CPE: variants seen among roughly 807,000 people sequenced by gnomAD.
CPE encodes the protein carboxypeptidase E, also known as carbocypeptidase E.
A neutral mutation model predicts 53.5 loss-of-function variants in CPE; 17 were observed. The observed-to-expected ratio is 0.32, with a 90% confidence interval of 0.22 to 0.48. The LOEUF (loss-of-function observed/expected upper bound fraction) is 0.48, where lower values mean the gene tolerates loss of function less well. Ranked by LOEUF, CPE falls within the 20% of genes least tolerant of loss-of-function variation. CPE has a pLI of 0.99. For missense variants in CPE, 524 were observed against 614.7 expected, an observed-to-expected ratio of 0.85 and a Z score of 1.56; for synonymous variants, 226 against 228.8, an observed-to-expected ratio of 0.99 and a Z score of 0.11.
chr4:165,495,842 A>C (rs1289602290), intron 8 of CPE, among the ~76,000 whole-genome samples, 165 bp downstream of exon 8: 1 of 152,262 alleles, frequency 6.6e-6, no homozygotes, highest in Non-Finnish European at 1.5e-5. Context: ...AGCAAAGTTA[A>C]TATGAAGCTC....
chr4:165,457,757 A>T (rs1026176280), intron 1 of CPE, among the ~76,000 whole-genome samples: 1 of 152,214 alleles, frequency 6.6e-6, no homozygotes, highest in Non-Finnish European at 1.5e-5. Flanking sequence ...AAGAAGAGAG[A>T]ATATAATGCT....
At chr4:165,460,128 G>GT (rs796927137) in intron 1 of CPE, among the ~76,000 whole-genome samples, 3 of 151,852 alleles carry the variant, frequency 2.0e-5, no homozygotes, top group African/African-American at 4.8e-5. Flanking sequence ...TTAAACCTGT[G>GT]TTTTTTTCTT....
At chr4:165,483,621 C>T (rs1732457029) in intron 4 of CPE, among the ~76,000 whole-genome samples, 2 of 152,184 alleles carry the variant, frequency 1.3e-5, no homozygotes, top group Non-Finnish European at 2.9e-5. Flanking sequence ...TGGTGGGAAT[C>T]CACGACAACA....
At chr4:165,428,917 C>T (rs548427298) in intron 1 of CPE, among the ~76,000 whole-genome samples, 1 of 152,268 alleles carries the variant, frequency 6.6e-6, no homozygotes, top group South Asian at 2.1e-4. Flanking sequence ...TCTATTGTTT[C>T]TGCCATATAA....
At chr4:165,462,925 AT>A (rs1373800675) in intron 1 of CPE, among the ~76,000 whole-genome samples, 3 of 152,206 alleles carry the variant, frequency 2.0e-5, no homozygotes, top group Admixed American at 1.3e-4. Context: ...TAGTTAACAT[AT>A]TTCCAGGAGA....
At chr4:165,490,195 C>G (rs1732575410) in intron 6 of CPE, among the ~76,000 whole-genome samples, 1 of 152,100 alleles carries the variant, frequency 6.6e-6, no homozygotes, top group Non-Finnish European at 1.5e-5. Flanking sequence ...AGAGGAAATC[C>G]CTTGCAGAGT....
At chr4:165,490,591 C>T (rs1209941844) in intron 6 of CPE, among the ~76,000 whole-genome samples, 1 of 138,450 alleles carries the variant, frequency 7.2e-6, no homozygotes, top group Non-Finnish European at 1.5e-5. Flanking sequence ...CGAGATCACA[C>T]TACACTCCAG....
In CPE at chr4:165,431,994, T is replaced by TA. The variant is rs575321725; in HGVS notation, c.308-32386dup. Among the ~76,000 whole-genome samples, 1,284 of 145,414 alleles carry TA rather than the reference T, an allele frequency of 8.8e-3. 9 individuals are homozygous for TA. The highest frequency in any genetic ancestry group is 0.012 in the Non-Finnish European group (817 of 65,856). On this transcript the variant is annotated intron_variant, in intron 1 of 8. Transcript: ENST00000402744. ...CTCTTACCCCACCCTACACCCCAAT[T>TA]AAAAAAAAAACCCACCACCAAATGA...
intron 1 of CPE, among the ~76,000 whole-genome samples, chr4:165,426,892 G>A (rs1388347133): frequency 6.6e-6 from 1 of 152,212 alleles, no homozygotes; most frequent in Admixed American, 6.5e-5. Context: ...AAAGAAGAAA[G>A]CTCTTCGAGG....
At chr4:165,403,746 C>T (rs1307183936) in intron 1 of CPE, among the ~76,000 whole-genome samples, 2 of 151,646 alleles carry the variant, frequency 1.3e-5, no homozygotes, top group South Asian at 2.1e-4. Flanking sequence ...CTCACCACCC[C>T]TGGCCACCCT....
At chr4:165,415,333 AACTACTGCTACCTAGAGGGTAATTTTAT>A in intron 1 of CPE, 1 of 166,988 alleles carries the variant, frequency 6.0e-6, no homozygotes, top group South Asian at 2.1e-4. Flanking sequence ...TATTTTTTAA[AACTACTGCTACCTAGAGGGTAATTTTAT>A]TAAATTCCTT....
intron 5 of CPE, among the ~76,000 whole-genome samples, chr4:165,486,849 T>C (rs1300738457): frequency 6.6e-6 from 1 of 152,138 alleles, no homozygotes; most frequent in Non-Finnish European, 1.5e-5. Context: ...GCCCTCAAAA[T>C]CATCTTCGGA....
Position 165,467,785 on chromosome 4 carries a change from A to G in CPE, c.602A>G (p.Asn201Ser). Residue 201 changes from asparagine (N) to serine (S), a missense_variant, in exon 3 of 9, where the codon AAT becomes AGT. By Grantham distance (46) the Asn-to-Ser change is conservative. Transcript: ENST00000402744. ...GACCTGGATAGGATAGTGTACGTGA[A>G]TGAGAAAGAAGGTGGTCCAAATAAT... ...FPDLDRIVYVNEKEGGPNNHL... is the reference protein window; with the variant it reads ...FPDLDRIVYVSEKEGGPNNHL... 6.2e-7 allele frequency: 1 copy of G among 1,613,904 alleles called. No homozygotes were observed. The highest frequency in any genetic ancestry group is 1.1e-5 in the South Asian group (1 of 91,066).
chr4:165,482,293 G>A lies in CPE; in HGVS notation c.724G>A (p.Val242Met). The A allele has an allele frequency of 6.2e-7, 1 of 1,613,936 alleles. No homozygotes were observed. The highest frequency in any genetic ancestry group is 8.5e-7 in the Non-Finnish European group (1 of 1,179,926). ...VIHWIMDIPFVLSANLHGGDL... is the reference protein window; with the variant it reads ...VIHWIMDIPFMLSANLHGGDL... ...TCATTGGATTATGGATATTCCTTTT[G>A]TGCTTTCTGCCAATCTCCATGGAGG... The change falls in exon 4 of 9, where the codon GTG becomes ATG. Residue 242 changes from valine to methionine, a missense_variant. Transcript: ENST00000402744.
chr4:165,445,548 A>G (rs1213867957), intron 1 of CPE, among the ~76,000 whole-genome samples: 1 of 152,202 alleles, frequency 6.6e-6, no homozygotes, highest in Non-Finnish European at 1.5e-5. Context: ...ATACAGAAGT[A>G]GAAAAATGTT....
rs1732132202 is a variant in CPE, at chr4:165,467,703, G to T, written c.520G>T (p.Asp174Tyr). The T allele has an allele frequency of 6.2e-7, 1 of 1,601,036 alleles. No individual in the cohort carries two copies. Among genetic ancestry groups the T allele is most frequent in the Non-Finnish European group, 8.5e-7 (1 of 1,175,318 alleles). ...KAASQPGELK[D>Y]WFVGRSNAQG... ...TTTTTTTTAGCCTGGTGAACTCAAG[G>T]ACTGGTTTGTGGGTCGAAGCAATGC... Residue 174 changes from aspartate to tyrosine, a missense_variant, in exon 3 of 9, where the codon GAC becomes TAC. Transcript: ENST00000402744.
chr4:165,494,075 T>A (rs1732658021), intron 7 of CPE, among the ~76,000 whole-genome samples: 1 of 152,156 alleles, frequency 6.6e-6, no homozygotes, highest in Non-Finnish European at 1.5e-5. Context: ...CATTTATAGC[T>A]TGGATTAAAA....
Position 165,487,396 on chromosome 4 carries a change from C to T in CPE, c.974-42C>T, listed in dbSNP as rs190535766. On this transcript the variant is annotated intron_variant, in intron 5 of 8. Transcript: ENST00000402744. ...AGACTAGCCTGTGTAGAGTTTTAGG[C>T]TCCTTGTGCATATTTTGACTTTCCA... 290 of 1,610,548 alleles carry T rather than the reference C, an allele frequency of 1.8e-4. 1 individual carries two copies. The African/African-American group carries it at 3.3e-3, about 18-fold the overall frequency.
At chr4:165,438,339 T>A (rs984835725) in intron 1 of CPE, among the ~76,000 whole-genome samples, 1 of 152,028 alleles carries the variant, frequency 6.6e-6, no homozygotes, top group African/African-American at 2.4e-5. Flanking sequence ...TGGATATGAG[T>A]CCTCAGGTTA....
Sources: gnomAD v4.1 joint callset for allele counts (sites outside exome capture counted in the v4.1 genomes callset) on GRCh38, gnomAD v4.1.1 for gene constraint, MANE v1.5 for transcripts, NCBI Gene and HGNC (gene_info 2026-07-23, HGNC 2026-07-21) for gene names.